Variants in AHSG observed in about 807,000 individuals in gnomAD.
AHSG encodes alpha 2-HS glycoprotein, also known as alpha-2-HS-glycoprotein.
In AHSG, 23 loss-of-function variants were observed where a neutral mutation model predicts 30.1. The observed-to-expected ratio is 0.76, with a 90% CI of 0.55 to 1.08. The LOEUF (loss-of-function observed/expected upper bound fraction) is 1.08, where lower values mean the gene tolerates loss of function less well. AHSG is among the 50% of genes least tolerant of loss of function. AHSG has a pLI of 0.00. For missense variants in AHSG, 469 were observed against 459.5 expected (o/e 1.02, Z -0.19); for synonymous variants, 164 against 186.3 (o/e 0.88, Z 0.98).
chr3:186,615,387 G>A (rs1230636329), intron 1 of AHSG, among the ~76,000 whole-genome samples: 1 of 152,082 alleles, frequency 6.6e-6, no homozygotes, highest in Non-Finnish European at 1.5e-5. Flanking sequence ...TTTTCAAATA[G>A]AGCTCAGAGT....
Position 186,613,226 on chromosome 3 carries a change from C to G in AHSG, c.85C>G (p.Gln29Glu). 1 of 1,614,200 alleles carries G rather than the reference C, an allele frequency of 6.2e-7. No individual in the cohort carries two copies. The highest frequency in any genetic ancestry group is 8.5e-7 in the Non-Finnish European group (1 of 1,180,030). Residue 29 changes from glutamine (Q) to glutamate (E), a missense_variant, in exon 1 of 7, where the codon CAA becomes GAA. Gln to Glu is a conservative substitution (Grantham distance 29). Transcript: ENST00000411641. Reference protein sequence around the residue: ...APHGPGLIYRQPNCDDPETEE... With the variant: ...APHGPGLIYREPNCDDPETEE... ...ACATGGCCCAGGGCTGATTTATAGA[C>G]AACCGAACTGCGATGATCCAGAAAC...
At position 186,616,449 on chromosome 3, in the gene AHSG, G is replaced by A. The variant is rs376930727; in HGVS notation, c.331G>A (p.Glu111Lys). ...SVRQLKEHAV[E>K]GDCDFQLLKL... ...CGTGGGTTTCTTTCTCCAGGCTGTC[G>A]AAGGAGACTGTGATTTCCAGCTGTT... Residue 111 changes from glutamate to lysine, a missense_variant, in exon 3 of 7, where the codon GAA becomes AAA. Physicochemically the swap from Glu to Lys is moderately conservative, Grantham distance 56. Coordinates refer to ENST00000411641, the MANE Select transcript of AHSG (RefSeq NM_001622.4). 22 of 1,612,906 alleles carry A rather than the reference G, an allele frequency of 1.4e-5. No homozygotes were observed. The highest frequency in any genetic ancestry group is 1.1e-4 in the African/African-American group (8 of 74,894).
intron 1 of AHSG, among the ~76,000 whole-genome samples, chr3:186,614,342 C>A (rs890902389): frequency 1.3e-5 from 2 of 152,114 alleles, no homozygotes; most frequent in Non-Finnish European, 2.9e-5. Context: ...CAAAAGCAAC[C>A]AAATATTGGC....
chr3:186,620,441 C>T (rs1716445502), intron 6 of AHSG, 145 bp from the exon 7 acceptor site: 2 of 730,068 alleles, frequency 2.7e-6, no homozygotes, highest in East Asian at 2.6e-5. Context: ...ATCCCTTGTA[C>T]TTGGGTAGGT....
At chr3:186,613,787 C>A (rs1015274404) in intron 1 of AHSG, among the ~76,000 whole-genome samples, 1 of 152,124 alleles carries the variant, frequency 6.6e-6, no homozygotes, top group Non-Finnish European at 1.5e-5. Context: ...TATGCCAGGC[C>A]CATTCACATA....
At position 186,620,914 on chromosome 3, in the gene AHSG, G is replaced by C. The variant is rs142793377; in HGVS notation, c.1088G>C (p.Arg363Thr). The C allele has an allele frequency of 2.2e-5, 36 of 1,613,444 alleles. No homozygotes were observed. In the African/African-American group the frequency reaches 4.1e-4, roughly 19 times the overall value. ...GTTCCTCCATGTCCGGGGAGGATCAGACACTTCAAGGTCTAGGCTAGACAT... is the reference window on the plus strand; with the variant it reads ...GTTCCTCCATGTCCGGGGAGGATCACACACTTCAAGGTCTAGGCTAGACAT... ...PVVPPCPGRIRHFKV is the reference protein window; with the variant it reads ...PVVPPCPGRITHFKV The change falls in exon 7 of 7, where the codon AGA becomes ACA. Residue 363 changes from arginine (R) to threonine (T), a missense_variant. By Grantham distance (71) the Arg-to-Thr change is moderately conservative. Coordinates refer to ENST00000411641, the MANE Select transcript of AHSG (RefSeq NM_001622.4).
At chr3:186,615,093 A>C (rs987853358) in intron 1 of AHSG, among the ~76,000 whole-genome samples, 5 of 152,132 alleles carry the variant, frequency 3.3e-5, no homozygotes, top group African/African-American at 1.2e-4. Context: ...TGCACAAGCC[A>C]AGACAAAGGA....
Position 186,620,698 on chromosome 3 carries a change from C to T in AHSG, c.872C>T (p.Ala291Val). 2 of 1,614,232 alleles carry T rather than the reference C, an allele frequency of 1.2e-6. No homozygotes were observed. The highest frequency in any genetic ancestry group is 1.7e-6 in the Non-Finnish European group (2 of 1,180,042). Residue 291 changes from alanine to valine, a missense_variant, in exon 7 of 7, where the codon GCT (alanine) becomes GTT (valine). Physicochemically the swap from Ala to Val is moderately conservative, Grantham distance 64. Coordinates refer to ENST00000411641, the MANE Select transcript of AHSG (RefSeq NM_001622.4). ...PPLGAPGLPP[A>V]GSPPDSHVLL... ...CTTGGCGCACCTGGACTCCCTCCAG[C>T]TGGCTCACCCCCAGACTCCCATGTG...
Position 186,617,355 on chromosome 3 carries a change from A to C in AHSG, c.573+5A>C, listed in dbSNP as rs997112350. On this transcript the variant is annotated splice_donor_5th_base_variant and intron_variant, in intron 4 of 6. Coordinates refer to ENST00000411641, the MANE Select transcript of AHSG (RefSeq NM_001622.4). ...ATTTCCCGGGCTCAGCTTGTGGTAA[A>C]GACTGAGATTCTTTTGACAGGTTGG... The C allele has an allele frequency of 6.2e-7, 1 of 1,614,118 alleles. No homozygotes were observed. Among genetic ancestry groups the C allele is most frequent in the African/African-American group, 1.3e-5 (1 of 74,930 alleles).
chr3:186,619,568 A>G (rs1223810720), intron 5 of AHSG, among the ~76,000 whole-genome samples: 2 of 152,202 alleles, frequency 1.3e-5, no homozygotes, highest in East Asian at 3.8e-4. Flanking sequence ...CAATGATCTC[A>G]ATTTTTAAAT....
At chr3:186,616,400 G>A (rs766370586) in intron 2 of AHSG, 43 bp from the exon 3 acceptor site, 2 of 1,558,580 alleles carry the variant, frequency 1.3e-6, no homozygotes, top group Admixed American at 1.7e-5. Context: ...CCCGGGGTGC[G>A]AAGGGGAAGG....
chr3:186,614,272 T>A (rs1169518358), intron 1 of AHSG, among the ~76,000 whole-genome samples: 1 of 152,210 alleles, frequency 6.6e-6, no homozygotes, highest in Non-Finnish European at 1.5e-5. Context: ...TTACAAGCCT[T>A]CCTTGGACAA....
chr3:186,616,371 C>A, intron 2 of AHSG, 72 bp from the exon 3 acceptor site: 1 of 1,220,466 alleles, frequency 8.2e-7, no homozygotes, highest in South Asian at 1.3e-5. Flanking sequence ...CTTTGACAGC[C>A]GTGCCTGGAG....
chr3:186,617,763 T>C lies in AHSG; in HGVS notation c.573+413T>C, dbSNP rs190092421. 7 of 282,676 alleles carry C rather than the reference T, an allele frequency of 2.5e-5. No homozygotes were observed. In the East Asian group the frequency reaches 6.3e-4, roughly 26 times the overall value. 17.5% of individuals were successfully genotyped at this position (282,676 alleles called of 1,614,324 possible). ...CACAGACTCGTAATTAATACTCACT[T>C]GTGCTGACAAGCTTATAATGGCAAG... On this transcript the variant is annotated intron_variant, in intron 4 of 6. Coordinates refer to ENST00000411641, the MANE Select transcript of AHSG (RefSeq NM_001622.4).
At chr3:186,618,746 C>A in intron 5 of AHSG, 109 bp downstream of exon 5, 2 of 1,482,650 alleles carry the variant, frequency 1.3e-6, no homozygotes, top group Admixed American at 2.0e-5. Context: ...AATAACAGTG[C>A]AAATCCCCTC....
chr3:186,619,046 C>G lies in AHSG; in HGVS notation c.675+409C>G, dbSNP rs183782065. On this transcript the variant is annotated intron_variant, in intron 5 of 6. Transcript: ENST00000411641. ...GCATGATGGCTCATGCCTGTAATTC[C>G]AGCACTTTGGGAGGCCAAGACGGGT... is the stretch of plus-strand genomic sequence containing the variant. Among the ~76,000 whole-genome samples, 125 of 152,260 alleles carry G rather than the reference C, an allele frequency of 8.2e-4. 1 individual carries two copies. The highest frequency in any genetic ancestry group is 6.6e-3 in the Admixed American group (101 of 15,296).
intron 1 of AHSG, among the ~76,000 whole-genome samples, chr3:186,615,356 A>G (rs1169589623): frequency 6.6e-6 from 1 of 152,214 alleles, no homozygotes; most frequent in Non-Finnish European, 1.5e-5. Flanking sequence ...AATACAAATA[A>G]GTGTTAACAC....
Position 186,617,267 on chromosome 3 carries a change from G to T in AHSG, c.490G>T (p.Ala164Ser). Residue 164 changes from alanine to serine, a missense_variant, in exon 4 of 7, where the codon GCG becomes TCG. Ala to Ser is a moderately conservative substitution (Grantham distance 99, BLOSUM62 1). Transcript: ENST00000411641. ...GAACGACACCAGGGTGGTGCACGCC[G>T]CGAAAGCTGCCCTGGCCGCCTTCAA... Reference protein sequence around the residue: ...PLNDTRVVHAAKAALAAFNAQ... With the variant: ...PLNDTRVVHASKAALAAFNAQ... 6.2e-7 allele frequency: 1 copy of T among 1,614,196 alleles called. No individual in the cohort carries two copies. The highest frequency in any genetic ancestry group is 8.5e-7 in the Non-Finnish European group (1 of 1,180,032).
Position 186,613,126 on chromosome 3 carries a change from CCT to C in AHSG, c.-11_-10del. The C allele has an allele frequency of 6.2e-7, 1 of 1,613,538 alleles. No individual in the cohort carries two copies. The highest frequency in any genetic ancestry group is 1.1e-5 in the South Asian group (1 of 90,968). ...CCAACCACCTGCACGCCTGCCAGGG[CCT>C]CTCTGGGGCAGCCATGAAGTCCCTC... On this transcript the variant is annotated 5_prime_UTR_variant, in exon 1 of 7. Transcript: ENST00000411641.
Sources: allele counts gnomAD v4.1 joint callset (sites outside exome capture counted in the v4.1 genomes callset), GRCh38; gene constraint gnomAD v4.1.1; transcripts MANE v1.5; gene names NCBI Gene and HGNC (gene_info 2026-07-23, HGNC 2026-07-21).